Variants in RBMS3 observed in about 807,000 individuals in gnomAD.
RBMS3 encodes the protein RNA-binding motif, single-stranded-interacting protein 3.
Under a neutral mutation model 66.8 loss-of-function variants are expected in RBMS3, and 27 were observed. The ratio of observed to expected loss-of-function variants is 0.40; its 90% CI spans 0.30 to 0.56. RBMS3 has a LOEUF of 0.56. Ranked by LOEUF, RBMS3 falls within the 20% of genes least tolerant of loss-of-function variation. RBMS3 has a pLI of 0.40. For synonymous variants in RBMS3, 188 were observed against 183.0 expected, an observed-to-expected ratio of 1.03 and a Z score of -0.22; for missense variants, 513 against 549.5, an observed-to-expected ratio of 0.93 and a Z score of 0.66.
chr3:29,392,714 G>GAA (rs2125647374), intron 1 of RBMS3, among the ~76,000 whole-genome samples: 1 of 152,060 alleles, frequency 6.6e-6, no homozygotes, highest in African/African-American at 2.4e-5. Flanking sequence ...TAAACACACA[G>GAA]ACATACACAC....
chr3:29,283,996 C>A (rs572383221), intron 1 of RBMS3, among the ~76,000 whole-genome samples: 3 of 152,248 alleles, frequency 2.0e-5, no homozygotes, highest in Admixed American at 1.3e-4. Flanking sequence ...GAAGTACCAT[C>A]ATGTTTCAGT....
intron 4 of RBMS3, among the ~76,000 whole-genome samples, chr3:29,642,127 G>A (rs13061963): frequency 6.6e-6 from 1 of 151,972 alleles, no homozygotes; most frequent in African/African-American, 2.4e-5. Flanking sequence ...AACTTTCTGC[G>A]ATCAGAAAGG....
At position 29,940,536 on chromosome 3, in the gene RBMS3, C is replaced by T. The variant is rs560288718; in HGVS notation, c.1051-3671C>T. ...CCATTTTTAGAAGGGGGATCTTGAA[C>T]ACTGGCTTAGTCCCACTCTTCCTTT... On this transcript the variant is annotated intron_variant, in intron 11 of 14. Coordinates refer to ENST00000383767, the MANE Select transcript of RBMS3 (RefSeq NM_001003793.3). 2.6e-5 allele frequency among the ~76,000 whole-genome samples: 4 copies of T among 151,912 alleles called. No individual in the cohort carries two copies. In the East Asian group the frequency reaches 7.8e-4, roughly 30 times the overall value.
intron 4 of RBMS3, among the ~76,000 whole-genome samples, chr3:29,669,047 T>C (rs2149242977): frequency 6.6e-6 from 1 of 152,304 alleles, no homozygotes; most frequent in South Asian, 2.1e-4. Context: ...CCCTGTTCTC[T>C]GGAAAATTGC....
rs1298082611 is a variant in RBMS3, at chr3:29,754,410, A to T, written c.558-8500A>T. 2.6e-5 allele frequency among the ~76,000 whole-genome samples: 4 copies of T among 152,332 alleles called. No homozygotes were observed. In the East Asian group the frequency reaches 7.7e-4, roughly 29 times the overall value. On this transcript the variant is annotated intron_variant, in intron 5 of 14. Transcript: ENST00000383767. ...CATTTCCAACCATGTTGTGGCAGGA[A>T]TGTGTGCAGTTTCAAAAAGTGAATT...
At chr3:29,904,758 T>G (rs1231141356) in intron 10 of RBMS3, among the ~76,000 whole-genome samples, 2 of 152,080 alleles carry the variant, frequency 1.3e-5, no homozygotes, top group Non-Finnish European at 2.9e-5. Flanking sequence ...GTGGTAAATG[T>G]CTCACTCATA....
intron 3 of RBMS3, among the ~76,000 whole-genome samples, chr3:29,576,628 T>C (rs952823321): frequency 6.6e-6 from 1 of 152,182 alleles, no homozygotes; most frequent in African/African-American, 2.4e-5. Context: ...CCAGGGATTG[T>C]AGTCAAAAAC....
chr3:29,696,761 G>A (rs1371430998), intron 4 of RBMS3, among the ~76,000 whole-genome samples: 1 of 152,124 alleles, frequency 6.6e-6, no homozygotes, highest in Non-Finnish European at 1.5e-5. Flanking sequence ...ATCGGGACAA[G>A]AGCACCTTAT....
At chr3:29,871,775 A>T (rs1246021426) in intron 7 of RBMS3, among the ~76,000 whole-genome samples, 2 of 152,182 alleles carry the variant, frequency 1.3e-5, no homozygotes, top group Non-Finnish European at 1.5e-5. Context: ...ATAGATTACA[A>T]GTATTTTAGA....
At chr3:29,524,834 C>T (rs1222189687) in intron 3 of RBMS3, among the ~76,000 whole-genome samples, 4 of 151,976 alleles carry the variant, frequency 2.6e-5, no homozygotes, top group African/African-American at 7.3e-5. Context: ...GGGTGGGTTG[C>T]TTGAGCCTAG....
chr3:29,520,619 G>C (rs1173630882), intron 3 of RBMS3, among the ~76,000 whole-genome samples: 1 of 152,124 alleles, frequency 6.6e-6, no homozygotes, highest in East Asian at 1.9e-4. Context: ...GATACATATA[G>C]TTTAATAAAC....
At chr3:29,541,807 C>T (rs2045773188) in intron 3 of RBMS3, among the ~76,000 whole-genome samples, 1 of 152,102 alleles carries the variant, frequency 6.6e-6, no homozygotes, top group South Asian at 2.1e-4. Flanking sequence ...TCACTTTGCC[C>T]CCACCTCACC....
Position 29,330,268 on chromosome 3 carries a change from T to G in RBMS3, c.75+48512T>G, listed in dbSNP as rs531777865. On this transcript the variant is annotated intron_variant, in intron 1 of 14. Coordinates refer to ENST00000383767, the MANE Select transcript of RBMS3 (RefSeq NM_001003793.3). ...AAAAATCTGCCTTCCTGGATTCCCA[T>G]GGTCCTGTTTTCAGAGTGGGTGTTT... Among the ~76,000 whole-genome samples the G allele has an allele frequency of 1.3e-4, 20 of 152,310 alleles. No individual in the cohort carries two copies. In the South Asian group the frequency reaches 3.9e-3, roughly 30 times the overall value.
chr3:29,528,556 C>G (rs1346784003), intron 3 of RBMS3, among the ~76,000 whole-genome samples: 1 of 152,130 alleles, frequency 6.6e-6, no homozygotes, highest in South Asian at 2.1e-4. Flanking sequence ...TGCTCCTGAC[C>G]TTAGGAATAT....
At chr3:29,652,648 A>T (rs1434929536) in intron 4 of RBMS3, among the ~76,000 whole-genome samples, 2 of 152,158 alleles carry the variant, frequency 1.3e-5, no homozygotes, top group African/African-American at 4.8e-5. Context: ...CATGCAAAAA[A>T]ATAAAAATAA....
intron 14 of RBMS3, among the ~76,000 whole-genome samples, chr3:29,995,209 A>G (rs1004483199): frequency 6.6e-6 from 1 of 152,160 alleles, no homozygotes; most frequent in African/African-American, 2.4e-5. Context: ...AGGGAAGTTT[A>G]GAGAAAAAAG....
At chr3:29,711,210 T>A (rs946922526) in intron 4 of RBMS3, among the ~76,000 whole-genome samples, 8 of 152,188 alleles carry the variant, frequency 5.3e-5, no homozygotes, top group Non-Finnish European at 1.2e-4. Context: ...GTCATTGTGA[T>A]CCCTCTCTCA....
chr3:29,739,436 A>G (rs907802855), intron 4 of RBMS3, among the ~76,000 whole-genome samples: 30 of 147,444 alleles, frequency 2.0e-4, no homozygotes, highest in Non-Finnish European at 2.8e-4. Context: ...AGCCTGGGCT[A>G]CAGAGCGAGA....
intron 6 of RBMS3, among the ~76,000 whole-genome samples, chr3:29,857,510 T>C (rs2149528918): frequency 6.6e-6 from 1 of 151,458 alleles, no homozygotes; most frequent in Admixed American, 6.6e-5. Context: ...TCAAGTAGGT[T>C]GGCTAATTAT....
Sources: allele counts gnomAD v4.1 joint callset (sites outside exome capture counted in the v4.1 genomes callset), GRCh38; gene constraint gnomAD v4.1.1; transcripts MANE v1.5; gene names NCBI Gene and HGNC (gene_info 2026-07-23, HGNC 2026-07-21).